The following WNT7A variants were observed in gnomAD, a reference collection of about 807,000 sequenced individuals.
The protein encoded by WNT7A is protein Wnt-7a.
In WNT7A, 16 loss-of-function variants were observed where a neutral mutation model predicts 28.2. The ratio of observed to expected loss-of-function variants is 0.57; its 90% confidence interval spans 0.38 to 0.86. The LOEUF (loss-of-function observed/expected upper bound fraction) is 0.86, where lower values mean the gene tolerates loss of function less well. Ranked by LOEUF, WNT7A falls within the 40% of genes least tolerant of loss-of-function variation. WNT7A has a pLI of 0.00. For missense variants in WNT7A, 411 were observed against 489.7 expected (o/e 0.84, Z 1.52); for synonymous variants, 190 against 195.9 (o/e 0.97, Z 0.25).
intron 2 of WNT7A, among the ~76,000 whole-genome samples, chr3:13,869,541 GAAAA>G (rs768519397): frequency 7.0e-6 from 1 of 141,884 alleles, no homozygotes; most frequent in African/African-American, 2.6e-5. Context: ...GAGCAAGAAA[GAAAA>G]AAGAAAGAAA....
At chr3:13,836,130 C>A (rs1694363645) in intron 3 of WNT7A, among the ~76,000 whole-genome samples, 1 of 151,156 alleles carries the variant, frequency 6.6e-6, no homozygotes, top group South Asian at 2.1e-4. Context: ...ACCCTAAAAA[C>A]CTTGGACTTG....
At position 13,861,135 on chromosome 3, in the gene WNT7A, A is replaced by G. The variant is rs1351858629; in HGVS notation, c.299-6332T>C. On this transcript the variant is annotated intron_variant, in intron 2 of 3. Coordinates refer to ENST00000285018, the MANE Select transcript of WNT7A (RefSeq NM_004625.4). ...GCCTCAAGGTTTTGAAAACCATTCC[A>G]GTCCTACTGACTCCAGGCCTACATT... Among the ~76,000 whole-genome samples the G allele has an allele frequency of 2.6e-5, 4 of 152,212 alleles. No individual in the cohort carries two copies. In the East Asian group the frequency reaches 7.7e-4, roughly 29 times the overall value.
chr3:13,868,357 G>A (rs1483774741), intron 2 of WNT7A, among the ~76,000 whole-genome samples: 1 of 151,804 alleles, frequency 6.6e-6, no homozygotes, highest in Non-Finnish European at 1.5e-5. Flanking sequence ...GCCAGGTGAG[G>A]TGGTGTGTGC....
intron 2 of WNT7A, among the ~76,000 whole-genome samples, chr3:13,869,357 G>A (rs887166344): frequency 1.4e-5 from 2 of 145,210 alleles, no homozygotes; most frequent in Admixed American, 6.9e-5. Context: ...GGAAGGAAAA[G>A]AGAGAAAGGA....
chr3:13,841,941 A>C (rs1298256233), intron 3 of WNT7A, among the ~76,000 whole-genome samples: 1 of 152,184 alleles, frequency 6.6e-6, no homozygotes, highest in East Asian at 1.9e-4. Context: ...TGAGAGGGTA[A>C]GTGTCTGCAG....
At chr3:13,870,443 G>C (rs969309967) in intron 2 of WNT7A, among the ~76,000 whole-genome samples, 2 of 152,156 alleles carry the variant, frequency 1.3e-5, no homozygotes, top group Non-Finnish European at 2.9e-5. Flanking sequence ...TCTGAAACTG[G>C]ACAATTCATT....
intron 2 of WNT7A, among the ~76,000 whole-genome samples, chr3:13,873,459 T>C (rs543988352): frequency 1.6e-4 from 25 of 152,180 alleles, no homozygotes; most frequent in Admixed American, 1.4e-3. Context: ...TGCAAGTCAA[T>C]GCACCTGCAG....
rs1218924388 is a variant in WNT7A at position 13,818,825 on chromosome 3, A to G, written c.*119T>C. 7.1e-7 allele frequency: 1 copy of G among 1,416,626 alleles called. No individual in the cohort carries two copies. 87.8% of individuals were successfully genotyped at this position (1,416,626 alleles called of 1,614,324 possible). A position where few individuals can be genotyped will look rare whatever the true frequency, so the allele number is the denominator to read the frequency against. The stretch of plus-strand genomic sequence containing the variant: ...GGATGCCTGCAGGAAACCCAGGAAA[A>G]GTACCCTCCTCAGCAGAAAAGACAA... On this transcript the variant is annotated 3_prime_UTR_variant, in exon 4 of 4. Coordinates refer to ENST00000285018, the MANE Select transcript of WNT7A (RefSeq NM_004625.4).
chr3:13,858,898 G>A (rs572967002), intron 2 of WNT7A, among the ~76,000 whole-genome samples: 1 of 152,308 alleles, frequency 6.6e-6, no homozygotes, highest in East Asian at 1.9e-4. Flanking sequence ...TACCATGGAG[G>A]AAACTACCCT....
chr3:13,823,370 T>C (rs1235241281), intron 3 of WNT7A, among the ~76,000 whole-genome samples: 1 of 152,134 alleles, frequency 6.6e-6, no homozygotes, highest in Non-Finnish European at 1.5e-5. Context: ...ATACAGCCGG[T>C]GCGCAGAAAA....
chr3:13,824,331 C>T (rs1239594630), intron 3 of WNT7A, among the ~76,000 whole-genome samples: 1 of 152,116 alleles, frequency 6.6e-6, no homozygotes, highest in African/African-American at 2.4e-5. Flanking sequence ...CAGATCTATT[C>T]TATAAATGGA....
At chr3:13,862,630 C>T (rs1282286390) in intron 2 of WNT7A, among the ~76,000 whole-genome samples, 1 of 152,240 alleles carries the variant, frequency 6.6e-6, no homozygotes, top group Non-Finnish European at 1.5e-5. Flanking sequence ...CAGGGAGCCT[C>T]TCAATGAATA....
intron 3 of WNT7A, among the ~76,000 whole-genome samples, chr3:13,832,613 A>G (rs1044907834): frequency 6.6e-6 from 1 of 151,432 alleles, no homozygotes; most frequent in African/African-American, 2.4e-5. Context: ...CTGCAGCTGT[A>G]TACCTCTGGG....
At chr3:13,846,299 C>T (rs1393969254) in intron 3 of WNT7A, among the ~76,000 whole-genome samples, 2 of 152,222 alleles carry the variant, frequency 1.3e-5, no homozygotes, top group East Asian at 3.9e-4. Context: ...ATCTTGGAAT[C>T]ACAGGGTTTC....
At chr3:13,860,828 C>T (rs1694816581) in intron 2 of WNT7A, among the ~76,000 whole-genome samples, 1 of 152,150 alleles carries the variant, frequency 6.6e-6, no homozygotes, top group South Asian at 2.1e-4. Flanking sequence ...TCTTAGGAGA[C>T]ACCTGCAAGG....
intron 2 of WNT7A, among the ~76,000 whole-genome samples, chr3:13,869,438 G>GA (rs1450704353): frequency 3.4e-5 from 2 of 59,580 alleles, no homozygotes; most frequent in African/African-American, 1.4e-4. Flanking sequence ...AAAGAAGAAA[G>GA]AAAAGAAAAA....
At chr3:13,869,663 G>A (rs970160656) in intron 2 of WNT7A, among the ~76,000 whole-genome samples, 14 of 143,104 alleles carry the variant, frequency 9.8e-5, no homozygotes, top group Non-Finnish European at 2.1e-4. Context: ...AAGAAAGAGG[G>A]AAGGAGGGAG....
chr3:13,856,894 A>AGAAGAAGAAGAAGAAGAAGAAGAAGAAGG (rs1445158432), intron 2 of WNT7A, among the ~76,000 whole-genome samples: 3 of 34,778 alleles, frequency 8.6e-5, no homozygotes, highest in South Asian at 1.1e-3. Flanking sequence ...GAAGAAGAAA[A>AGAAGAAGAAGAAGAAGAAGAAGAAGAAGG]AGAAGAAGAA....
intron 2 of WNT7A, among the ~76,000 whole-genome samples, chr3:13,864,226 A>T (rs1041719281): frequency 6.6e-6 from 1 of 152,118 alleles, no homozygotes; most frequent in African/African-American, 2.4e-5. Flanking sequence ...ATCTTCCTAC[A>T]TCCTGTCTCT....
Sources: allele counts gnomAD v4.1 joint callset (sites outside exome capture counted in the v4.1 genomes callset), GRCh38; gene constraint gnomAD v4.1.1; transcripts MANE v1.5; gene names NCBI Gene and HGNC (gene_info 2026-07-23, HGNC 2026-07-21).